The following MON2 variants were observed in gnomAD, a reference collection of about 807,000 sequenced individuals.
The protein encoded by MON2 is MON2 regulator of endosome-to-Golgi trafficking.
MON2 carries 84 observed loss-of-function variants against 208.6 expected under a neutral mutation model. That is an observed-to-expected ratio of 0.40 (90% CI 0.34 to 0.48). The LOEUF is 0.48. Among genes scored for constraint, MON2 ranks in the 20% least tolerant of loss-of-function variants. The pLI, the probability that MON2 is intolerant of heterozygous loss-of-function variation, is 0.59. For missense variants in MON2, 1,611 were observed against 2,015.4 expected (o/e 0.80, Z 3.84); for synonymous variants, 660 against 694.0 (o/e 0.95, Z 0.77).
At chr12:62,580,547 A>C in intron 32 of MON2, 127 bp downstream of exon 32, 1 of 725,362 alleles carries the variant, frequency 1.4e-6, no homozygotes, top group East Asian at 2.7e-5. Flanking sequence ...TTAGGATTGT[A>C]ATATAGAACT....
chr12:62,496,391 A>G (rs185298640), intron 4 of MON2, among the ~76,000 whole-genome samples: 127 of 152,300 alleles, frequency 8.3e-4, no homozygotes, highest in Admixed American at 2.0e-3. Flanking sequence ...TGGGGATGAG[A>G]AAAATCAAGT....
chr12:62,555,183 A>AT (rs528053290), intron 24 of MON2, among the ~76,000 whole-genome samples: 22 of 149,400 alleles, frequency 1.5e-4, no homozygotes, highest in South Asian at 2.1e-4. Context: ...ATTTAATTTA[A>AT]TTTTTTTTTT....
At chr12:62,524,912 T>C (rs1298060160) in intron 9 of MON2, among the ~76,000 whole-genome samples, 172 bp from the exon 10 acceptor site, 1 of 152,192 alleles carries the variant, frequency 6.6e-6, no homozygotes, top group African/African-American at 2.4e-5. Flanking sequence ...TTTTTAGAAC[T>C]GTGACCTCTA....
chr12:62,490,021 A>T (rs1288769145), intron 2 of MON2: 1 of 1,212,120 alleles, frequency 8.3e-7, no homozygotes, highest in Non-Finnish European at 1.1e-6. Context: ...TCCTAGTTTA[A>T]TTCTTTTTTT....
Position 62,524,637 on chromosome 12 carries a change from A to C in MON2, c.1107A>C (p.Leu369Phe). ...IHRFCVQPQLLRSFCQSYDMK... is the reference protein window; with the variant it reads ...IHRFCVQPQLFRSFCQSYDMK... ...GATTCTGTGTGCAGCCTCAACTATT[A>C]AGGTAAAACCTCAGCAATAGTTTGT... The change falls in exon 9 of 35, where the codon TTA becomes TTC. Residue 369 changes from leucine (L) to phenylalanine (F), a missense_variant and splice_region_variant. Physicochemically the swap from Leu to Phe is conservative, Grantham distance 22 (BLOSUM62 0). Coordinates refer to ENST00000393630, the MANE Select transcript of MON2 (RefSeq NM_015026.3). The C allele has an allele frequency of 6.2e-7, 1 of 1,612,794 alleles. No individual in the cohort carries two copies. Among genetic ancestry groups the C allele is most frequent in the Non-Finnish European group, 8.5e-7 (1 of 1,179,240 alleles).
intron 27 of MON2, 157 bp from the exon 28 acceptor site, chr12:62,565,857 A>G: frequency 4.8e-6 from 3 of 630,030 alleles, no homozygotes; most frequent in Non-Finnish European, 5.2e-6. Context: ...ATAGTTGGCA[A>G]ATTTTAACTT....
chr12:62,522,163 G>A (rs1330362465), intron 8 of MON2, among the ~76,000 whole-genome samples: 1 of 152,070 alleles, frequency 6.6e-6, no homozygotes, highest in Non-Finnish European at 1.5e-5. Context: ...CTTCAGCCTG[G>A]GCAACAGAGT....
chr12:62,524,856 A>T (rs1361454955), intron 9 of MON2, among the ~76,000 whole-genome samples: 2 of 152,166 alleles, frequency 1.3e-5, no homozygotes, highest in East Asian at 3.9e-4. Flanking sequence ...GTGGTGAGTG[A>T]TAGACATCAG....
chr12:62,484,732 G>A (rs2069661097), intron 2 of MON2: 1 of 152,146 alleles, frequency 6.6e-6, no homozygotes, highest in South Asian at 2.1e-4. Flanking sequence ...AAGAATGAGA[G>A]TGAAGTAGAG....
At chr12:62,518,459 AT>A (rs2071816443) in intron 8 of MON2, among the ~76,000 whole-genome samples, 1 of 152,104 alleles carries the variant, frequency 6.6e-6, no homozygotes, top group African/African-American at 2.4e-5. Flanking sequence ...GTGTTAACTA[AT>A]TTTTTAGGCT....
intron 21 of MON2, 75 bp from the exon 22 acceptor site, chr12:62,546,822 A>C: frequency 1.8e-6 from 2 of 1,133,334 alleles, no homozygotes; most frequent in Non-Finnish European, 1.2e-6. Flanking sequence ...ATGAATTTAA[A>C]CTTGAAAAGC....
chr12:62,580,560 G>A, intron 32 of MON2, 140 bp downstream of exon 32: 1 of 638,354 alleles, frequency 1.6e-6, no homozygotes, highest in South Asian at 2.3e-5. Flanking sequence ...ATAGAACTAA[G>A]CTTTATGAGG....
At chr12:62,588,948 G>T in intron 34 of MON2, 1 of 1,309,106 alleles carries the variant, frequency 7.6e-7, no homozygotes, top group Non-Finnish European at 1.0e-6. Flanking sequence ...TGAATGCAAA[G>T]CTTTTTTATG....
intron 8 of MON2, among the ~76,000 whole-genome samples, chr12:62,511,548 C>T (rs553469201): frequency 1.0e-3 from 159 of 152,178 alleles, no homozygotes; most frequent in African/African-American, 3.3e-3. Flanking sequence ...CTGGGAAAAC[C>T]GGATATTCAC....
chr12:62,502,661 C>T (rs926857207), intron 7 of MON2, among the ~76,000 whole-genome samples: 2 of 152,030 alleles, frequency 1.3e-5, no homozygotes, highest in African/African-American at 4.8e-5. Context: ...TTTTTACTTG[C>T]TTATATATCT....
At chr12:62,522,948 G>A (rs561800341) in intron 8 of MON2, among the ~76,000 whole-genome samples, 1 of 152,160 alleles carries the variant, frequency 6.6e-6, no homozygotes, top group African/African-American at 2.4e-5. Context: ...GAGAAAAAAT[G>A]ATATGCTTTC....
intron 20 of MON2, among the ~76,000 whole-genome samples, chr12:62,544,217 G>A (rs1040836977): frequency 2.6e-5 from 4 of 152,090 alleles, no homozygotes; most frequent in Admixed American, 2.6e-4. Flanking sequence ...GGCTGAGGTG[G>A]GAGGATTACT....
intron 8 of MON2, among the ~76,000 whole-genome samples, chr12:62,522,855 C>T (rs2072128888): frequency 6.6e-6 from 1 of 152,146 alleles, no homozygotes; most frequent in South Asian, 2.1e-4. Context: ...GAGAGCCTCT[C>T]TTTTTTACCC....
chr12:62,471,314 C>G (rs747042059), intron 1 of MON2, among the ~76,000 whole-genome samples: 1 of 152,126 alleles, frequency 6.6e-6, no homozygotes, highest in African/African-American at 2.4e-5. Flanking sequence ...TCCTGAGTAC[C>G]TGGGATCACA....
Sources: gnomAD v4.1 joint callset for allele counts (sites outside exome capture counted in the v4.1 genomes callset) on GRCh38, gnomAD v4.1.1 for gene constraint, MANE v1.5 for transcripts, NCBI Gene and HGNC (gene_info 2026-07-23, HGNC 2026-07-21) for gene names.